PPM1H: variants seen among roughly 807,000 people sequenced by gnomAD.
PPM1H encodes protein phosphatase, Mg2+/Mn2+ dependent 1H.
A neutral mutation model predicts 54.9 loss-of-function variants in PPM1H; 27 were observed. That is an observed-to-expected ratio of 0.49 (90% CI 0.36 to 0.68). The LOEUF (loss-of-function observed/expected upper bound fraction) is 0.68. Ranked by LOEUF, PPM1H falls within the 30% of genes least tolerant of loss-of-function variation. The probability of loss-of-function intolerance (pLI) is 0.00; values close to 1 mark genes in which losing one functional copy is unlikely to be tolerated. For synonymous variants in PPM1H, 305 were observed against 270.8 expected (o/e 1.13, Z -1.24); for missense variants, 596 against 667.8 (o/e 0.89, Z 1.19).
At chr12:62,726,431 T>C (rs936662784) in intron 5 of PPM1H, among the ~76,000 whole-genome samples, 4 of 152,152 alleles carry the variant, frequency 2.6e-5, no homozygotes, top group Admixed American at 1.3e-4. Flanking sequence ...ATTTTGACCA[T>C]TGGACACAGA....
intron 4 of PPM1H, among the ~76,000 whole-genome samples, chr12:62,773,149 AAAAAC>A (rs376689900): frequency 0.021 from 3,212 of 152,050 alleles, 107 homozygotes; most frequent in African/African-American, 0.073. Context: ...TCCGTCTCAA[AAAAAC>A]AAAACAAAAC....
chr12:62,839,874 CAAA>C (rs746381032), intron 1 of PPM1H, among the ~76,000 whole-genome samples: 1 of 84,202 alleles, frequency 1.2e-5, no homozygotes, highest in Non-Finnish European at 2.4e-5. Flanking sequence ...CCTGTTTCTA[CAAA>C]AAAAAAAAAA....
In PPM1H at chr12:62,932,628, C is replaced by CTTTTTTTTTTTTTTTTTTTTTTTT. The variant is rs61003358; in HGVS notation, c.245+1863_245+1864insAAAAAAAAAAAAAAAAAAAAAAAA. ...CTGTCTCGTAAAGGGTCCAAATGGG[C>CTTTTTTTTTTTTTTTTTTTTTTTT]TTTTTTTTTTTTTTTTTTTTTTTGA... On this transcript the variant is annotated intron_variant, in intron 1 of 9. Transcript: ENST00000228705. Among the ~76,000 whole-genome samples, 61 of 54,008 alleles carry CTTTTTTTTTTTTTTTTTTTTTTTT rather than the reference C, an allele frequency of 1.1e-3. 22 individuals carry two copies. The highest frequency in any genetic ancestry group is 1.4e-3 in the Non-Finnish European group (44 of 31,120). 35.4% of individuals were successfully genotyped at this position (54,008 alleles called of 152,430 possible). A position where few individuals can be genotyped will look rare whatever the true frequency, so the allele number is the denominator to read the frequency against.
At chr12:62,877,657 C>CT (rs1007177918) in intron 1 of PPM1H, among the ~76,000 whole-genome samples, 6 of 152,154 alleles carry the variant, frequency 3.9e-5, no homozygotes, top group Admixed American at 3.9e-4. Flanking sequence ...CAGATATCCC[C>CT]TCTCAGACCC....
chr12:62,783,078 C>T (rs1273796952), intron 4 of PPM1H, among the ~76,000 whole-genome samples: 3 of 152,178 alleles, frequency 2.0e-5, no homozygotes, highest in South Asian at 2.1e-4. Flanking sequence ...GTAATCCTCC[C>T]ACCTCGGCCT....
chr12:62,742,936 T>A (rs1459181520), intron 4 of PPM1H, among the ~76,000 whole-genome samples: 1 of 152,224 alleles, frequency 6.6e-6, no homozygotes, highest in African/African-American at 2.4e-5. Flanking sequence ...TTATATGACA[T>A]TAATTCCAGT....
intron 1 of PPM1H, among the ~76,000 whole-genome samples, chr12:62,903,446 T>C (rs1329808701): frequency 2.0e-5 from 3 of 152,214 alleles, no homozygotes; most frequent in African/African-American, 7.2e-5. Flanking sequence ...CTCCATATTT[T>C]AATGCTTTTG....
intron 5 of PPM1H, among the ~76,000 whole-genome samples, chr12:62,727,637 ATATTATTATTATTATTAT>A (rs146320023): frequency 3.6e-5 from 5 of 139,814 alleles, no homozygotes; most frequent in East Asian, 2.1e-4. Context: ...TAAAATGCAA[ATATTATTATTATTATTAT>A]TATTATTATT....
intron 6 of PPM1H, among the ~76,000 whole-genome samples, chr12:62,704,741 G>A (rs11174611): frequency 0.066 from 10,042 of 152,270 alleles, 426 homozygotes; most frequent in Admixed American, 0.1. Flanking sequence ...TTAGCCACAA[G>A]AAAGGCTGCT....
At chr12:62,698,576 C>G (rs574962899) in intron 6 of PPM1H, among the ~76,000 whole-genome samples, 51 of 152,130 alleles carry the variant, frequency 3.4e-4, no homozygotes, top group African/African-American at 1.1e-3. Context: ...TCTGGTTGGC[C>G]AGTGTCCTCA....
chr12:62,677,308 T>C (rs988398365), intron 8 of PPM1H, among the ~76,000 whole-genome samples: 7 of 152,274 alleles, frequency 4.6e-5, no homozygotes, highest in Admixed American at 2.0e-4. Context: ...ACTGAAAGAA[T>C]TGTAACACAA....
intron 1 of PPM1H, among the ~76,000 whole-genome samples, chr12:62,887,115 GGGAGGT>G (rs1565820147): frequency 6.6e-6 from 1 of 152,208 alleles, no homozygotes; most frequent in Non-Finnish European, 1.5e-5. Context: ...TGGAGAAAGA[GGGAGGT>G]GCCATGTTTC....
intron 4 of PPM1H, among the ~76,000 whole-genome samples, chr12:62,762,452 G>A (rs1236705309): frequency 6.6e-6 from 1 of 152,200 alleles, no homozygotes; most frequent in Non-Finnish European, 1.5e-5. Flanking sequence ...TTCAATTGTA[G>A]ACTCTGTTGG....
intron 1 of PPM1H, among the ~76,000 whole-genome samples, chr12:62,839,377 G>A (rs1027751097): frequency 1.3e-5 from 2 of 152,104 alleles, no homozygotes; most frequent in Non-Finnish European, 2.9e-5. Flanking sequence ...TCATTAAAAG[G>A]TAAATTAGTT....
At chr12:62,802,770 G>C (rs764257941) in intron 2 of PPM1H, among the ~76,000 whole-genome samples, 5 of 152,034 alleles carry the variant, frequency 3.3e-5, no homozygotes, top group Admixed American at 6.6e-5. Context: ...TTTTAGTAGA[G>C]ATGGGGTTTC....
chr12:62,685,629 T>C (rs1021456851), intron 8 of PPM1H, among the ~76,000 whole-genome samples: 3 of 152,178 alleles, frequency 2.0e-5, no homozygotes, highest in East Asian at 1.9e-4. Context: ...CCTTAATTTG[T>C]TGCATGGAGA....
intron 4 of PPM1H, among the ~76,000 whole-genome samples, chr12:62,771,516 T>A (rs747796489): frequency 7.9e-5 from 12 of 152,102 alleles, no homozygotes; most frequent in Non-Finnish European, 1.2e-4. Context: ...CACCACATGC[T>A]TTTACATCAG....
chr12:62,891,075 C>T (rs929643642), intron 1 of PPM1H, among the ~76,000 whole-genome samples: 6 of 141,016 alleles, frequency 4.3e-5, no homozygotes, highest in African/African-American at 1.6e-4. Context: ...CGCCATTGCA[C>T]TCCAGTCTGG....
chr12:62,657,032 C>G (rs192853571), intron 9 of PPM1H, among the ~76,000 whole-genome samples: 1 of 152,248 alleles, frequency 6.6e-6, no homozygotes, highest in East Asian at 1.9e-4. Flanking sequence ...CAGCTTCTGT[C>G]CCCTGTCAGG....
Sources: allele counts gnomAD v4.1 joint callset (sites outside exome capture counted in the v4.1 genomes callset), GRCh38; gene constraint gnomAD v4.1.1; transcripts MANE v1.5; gene names NCBI Gene and HGNC (gene_info 2026-07-23, HGNC 2026-07-21).